Variants in PCDHGB5 observed in about 807,000 individuals in gnomAD.
PCDHGB5 encodes the protein protocadherin gamma subfamily B, 5.
PCDHGB5 carries 48 observed loss-of-function variants against 62.9 expected under a neutral mutation model. That is an observed-to-expected ratio of 0.76 (90% CI 0.61 to 0.97). PCDHGB5 has a LOEUF of 0.97. Among genes scored for constraint, PCDHGB5 ranks in the 50% least tolerant of loss-of-function variants. PCDHGB5 has a pLI of 0.00. For synonymous variants in PCDHGB5, 474 were observed against 511.2 expected (o/e 0.93, Z 0.98); for missense variants, 1,118 against 1,198.6 (o/e 0.93, Z 0.99).
At position 141,410,750 on chromosome 5, in the gene PCDHGB5, A is replaced by G. The variant is rs1256862831; in HGVS notation, c.2397+10226A>G. Reference sequence around the variant, plus strand: ...CATAGCTTTTTACAATATTTTCTCAATGTTTTTTCAATTATAGTTTTCACT... The same window carrying G: ...CATAGCTTTTTACAATATTTTCTCAGTGTTTTTTCAATTATAGTTTTCACT... On this transcript the variant is annotated intron_variant, in intron 1 of 3. Coordinates refer to ENST00000617380, the MANE Select transcript of PCDHGB5 (RefSeq NM_018925.3). 23 of 1,243,022 alleles carry G rather than the reference A, an allele frequency of 1.9e-5. No homozygotes were observed. The East Asian group carries it at 4.4e-4, about 24-fold the overall frequency. 77.0% of individuals were successfully genotyped at this position (1,243,022 alleles called of 1,614,324 possible). A position where few individuals can be genotyped will look rare whatever the true frequency, so the allele number is the denominator to read the frequency against.
Position 141,487,623 on chromosome 5 carries a change from CT to C in PCDHGB5, c.2398-7181del. 1 of 1,614,206 alleles carries C rather than the reference CT, an allele frequency of 6.2e-7. No homozygotes were observed. Among genetic ancestry groups the C allele is most frequent in the Non-Finnish European group, 8.5e-7 (1 of 1,180,044 alleles). On this transcript the variant is annotated intron_variant, in intron 1 of 3. Transcript: ENST00000617380. This position sits in a 1 kb window ranked among gnomAD's most constrained non-coding sequence, Gnocchi z 5.0. ...CTTCTCTATGGGCTAGAGGTGAGAC[CT>C]TTGCAGGCTCAACAAATGCTTGAGG...
Position 141,511,208 on chromosome 5 carries a change from C to T in PCDHGB5, c.*35C>T, listed in dbSNP as rs1278180818. 27 of 1,610,922 alleles carry T rather than the reference C, an allele frequency of 1.7e-5. No individual in the cohort carries two copies. Among genetic ancestry groups the T allele is most frequent in the Non-Finnish European group, 2.3e-5 (27 of 1,178,572 alleles). ...CAGGCCAAGAGCCACAGGGCGGCCT[C>T]TCCCCAACCAGCCCAGCTTCTCCTT... On this transcript the variant is annotated 3_prime_UTR_variant, in exon 4 of 4. Coordinates refer to ENST00000617380, the MANE Select transcript of PCDHGB5 (RefSeq NM_018925.3).
intron 1 of PCDHGB5, chr5:141,419,027 G>A (rs1415215066): frequency 6.2e-7 from 1 of 1,613,870 alleles, no homozygotes; most frequent in Admixed American, 1.7e-5. Flanking sequence ...AAGTAGAGGT[G>A]TTCCATTTAA....
chr5:141,423,552 C>A, intron 1 of PCDHGB5: 2 of 1,613,720 alleles, frequency 1.2e-6, no homozygotes, highest in Non-Finnish European at 1.7e-6. Context: ...CCCAGCCCAA[C>A]TATGGGGACA....
intron 1 of PCDHGB5, chr5:141,418,003 G>T (rs1441842557): frequency 6.2e-7 from 1 of 1,613,798 alleles, no homozygotes; most frequent in Non-Finnish European, 8.5e-7. Context: ...CGGTGGTGGG[G>T]AACCTCGCTA....
chr5:141,454,669 AC>A (rs1292139052), intron 1 of PCDHGB5, among the ~76,000 whole-genome samples: 1 of 151,212 alleles, frequency 6.6e-6, no homozygotes, highest in African/African-American at 2.4e-5. Context: ...GCCTCCCAAA[AC>A]ACTGGGATTA....
In PCDHGB5 at chr5:141,511,028, T is replaced by G. The variant is rs1279056657; in HGVS notation, c.2627T>G (p.Leu876Arg). The G allele has an allele frequency of 3.7e-6, 6 of 1,614,084 alleles. No individual in the cohort carries two copies. The highest frequency in any genetic ancestry group is 1.7e-5 in the Admixed American group (1 of 60,004). ...LSARYGPQFT[L>R]QHVPDYRQNV... is the part of the protein sequence containing the mutation. The stretch of plus-strand genomic sequence containing the variant: ...GCCCGCTACGGACCCCAGTTCACCC[T>G]GCAGCACGTGCCCGACTACCGCCAG... Residue 876 changes from leucine to arginine, a missense_variant, in exon 4 of 4, where the codon CTG becomes CGG. Physicochemically the swap from Leu to Arg is moderately radical, Grantham distance 102. This residue lies in a region of PCDHGB5 where 1,034 missense variants were observed against 1,029.1 expected (regional missense o/e 1.00). Transcript: ENST00000617380.
Position 141,399,738 on chromosome 5 carries a change from G to C in PCDHGB5, c.1611G>C (p.Ala537=), listed in dbSNP as rs1484510317. 1.2e-6 allele frequency: 2 copies of C among 1,613,268 alleles called. No individual in the cohort carries two copies. Among genetic ancestry groups the C allele is most frequent in the African/African-American group, 1.3e-5 (1 of 75,062 alleles). Residue 537 remains alanine, a synonymous_variant, in exon 1 of 4, where the codon GCG becomes GCC. Transcript: ENST00000617380. ...TLQARDQGSP[A]LSANVSLRVL... Reference sequence around the variant, plus strand: ...AGGCCCGCGACCAGGGCTCGCCTGCGCTCAGCGCAAACGTGAGCCTGCGCG... The same window carrying C: ...AGGCCCGCGACCAGGGCTCGCCTGCCCTCAGCGCAAACGTGAGCCTGCGCG...
chr5:141,421,885 G>T, intron 1 of PCDHGB5: 1 of 1,613,692 alleles, frequency 6.2e-7, no homozygotes, highest in Non-Finnish European at 8.5e-7. Context: ...AGATGGAGGC[G>T]ATCCCATCCG....
At chr5:141,470,383 G>A (rs569789033) in intron 1 of PCDHGB5, among the ~76,000 whole-genome samples, 7 of 152,246 alleles carry the variant, frequency 4.6e-5, no homozygotes, top group South Asian at 2.1e-4. Context: ...AAGACTACTC[G>A]ATGATATTTA....
At position 141,477,677 on chromosome 5, in the gene PCDHGB5, TC is replaced by T; in HGVS notation, c.2398-17128del. On this transcript the variant is annotated intron_variant, in intron 1 of 3. Transcript: ENST00000617380. This position sits in a 1 kb window ranked among gnomAD's most constrained non-coding sequence, Gnocchi z 4.9. ...AAATCGTGACAATGGCATAGTGTCA[TC>T]CTTAGTGCCCCTAGACTATGAGGAT... 1 of 1,614,174 alleles carries T rather than the reference TC, an allele frequency of 6.2e-7. No homozygotes were observed. The highest frequency in any genetic ancestry group is 8.5e-7 in the Non-Finnish European group (1 of 1,180,038).
At position 141,489,436 on chromosome 5, in the gene PCDHGB5, T is replaced by C. The variant is rs1002519; in HGVS notation, c.2398-5371T>C. 0.23 allele frequency: 369,130 copies of C among 1,613,832 alleles called. 44,340 individuals are homozygous for C. The highest frequency in any genetic ancestry group is 0.38 in the Admixed American group (23,024 of 60,000). On this transcript the variant is annotated intron_variant, in intron 1 of 3. Transcript: ENST00000617380. The surrounding 1 kb of genome is among the most constrained non-coding windows in gnomAD (Gnocchi z 4.5). ...AGATCTGTTGAGCCGGCGGCTGCAATTGGGCTCTGAGGAGAATGGGCGCTA... is the reference window on the plus strand; with the variant it reads ...AGATCTGTTGAGCCGGCGGCTGCAACTGGGCTCTGAGGAGAATGGGCGCTA...
chr5:141,447,885 A>T (rs2098554278), intron 1 of PCDHGB5, among the ~76,000 whole-genome samples: 1 of 152,134 alleles, frequency 6.6e-6, no homozygotes, highest in Admixed American at 6.6e-5. Context: ...CAGGAGTTCG[A>T]GACCAGCCTG....
Position 141,476,035 on chromosome 5 carries a change from C to A in PCDHGB5, c.2398-18772C>A. On this transcript the variant is annotated intron_variant, in intron 1 of 3. Coordinates refer to ENST00000617380, the MANE Select transcript of PCDHGB5 (RefSeq NM_018925.3). This position sits in a 1 kb window ranked among gnomAD's most constrained non-coding sequence, Gnocchi z 7.6. ...CATGTCGGACTCGGCGCCCAGCGCCCAAGCGCTAACCCGCTGAAAGTTTCT... is the reference window on the plus strand; with the variant it reads ...CATGTCGGACTCGGCGCCCAGCGCCAAAGCGCTAACCCGCTGAAAGTTTCT... The A allele has an allele frequency of 1.4e-6, 2 of 1,466,592 alleles. No individual in the cohort carries two copies. The highest frequency in any genetic ancestry group is 1.8e-6 in the Non-Finnish European group (2 of 1,102,494). 90.8% of individuals were successfully genotyped at this position (1,466,592 alleles called of 1,614,324 possible). A position where few individuals can be genotyped will look rare whatever the true frequency, so the allele number is the denominator to read the frequency against.
At chr5:141,453,464 C>A (rs186131587) in intron 1 of PCDHGB5, among the ~76,000 whole-genome samples, 16 of 152,090 alleles carry the variant, frequency 1.1e-4, no homozygotes, top group Non-Finnish European at 1.9e-4. Flanking sequence ...AAAACATTAA[C>A]ATAAAGTCAA....
intron 1 of PCDHGB5, chr5:141,410,555 C>T (rs768561351): frequency 1.9e-6 from 3 of 1,613,084 alleles, no homozygotes; most frequent in Middle Eastern, 1.6e-4. Context: ...CAGTGTTTCT[C>T]CTGGAGCCTT....
rs377389968 is a variant in PCDHGB5, at chr5:141,404,840, C to T, written c.2397+4316C>T. On this transcript the variant is annotated intron_variant, in intron 1 of 3. Coordinates refer to ENST00000617380, the MANE Select transcript of PCDHGB5 (RefSeq NM_018925.3). Reference sequence around the variant, plus strand: ...GCACACAGGTGAAGTGCGCACAGCTCGGGCCCTGCTAGATAGAGATGCGCT... The same window carrying T: ...GCACACAGGTGAAGTGCGCACAGCTTGGGCCCTGCTAGATAGAGATGCGCT... 3.5e-5 allele frequency: 57 copies of T among 1,613,700 alleles called. No individual in the cohort carries two copies. The African/African-American group carries it at 6.3e-4, about 18-fold the overall frequency.
At position 141,398,003 on chromosome 5, in the gene PCDHGB5, A is replaced by C; in HGVS notation, c.-125A>C. 1.4e-6 allele frequency: 2 copies of C among 1,391,912 alleles called. No homozygotes were observed. The highest frequency in any genetic ancestry group is 5.0e-5 in the East Asian group (2 of 39,704). 86.2% of individuals were successfully genotyped at this position (1,391,912 alleles called of 1,614,324 possible). On this transcript the variant is annotated 5_prime_UTR_variant, in exon 1 of 4. Transcript: ENST00000617380. ...CTTTACACCGCTTCCTCCTCGGAAA[A>C]AGAATCGTTTCCTAAACTGGAACTG...
chr5:141,428,358 G>T, intron 1 of PCDHGB5: 1 of 565,492 alleles, frequency 1.8e-6, no homozygotes, highest in Non-Finnish European at 3.2e-6. Flanking sequence ...TGATTTTGGC[G>T]GTCGCCTTGC....
Sources: allele counts gnomAD v4.1 joint callset (sites outside exome capture counted in the v4.1 genomes callset), GRCh38; gene constraint gnomAD v4.1.1; regional missense constraint gnomAD v4.1.1; non-coding constraint Gnocchi (gnomAD v3.1); transcripts MANE v1.5; gene names NCBI Gene and HGNC (gene_info 2026-07-23, HGNC 2026-07-21).